Variants in HGF observed in about 807,000 individuals in gnomAD.
HGF encodes the protein fibroblast-derived tumor cytotoxic factor.
A neutral mutation model predicts 111.6 loss-of-function variants in HGF; 39 were observed. That is an observed-to-expected ratio of 0.35 (90% CI 0.27 to 0.46). The LOEUF (loss-of-function observed/expected upper bound fraction) is 0.46. Among genes scored for constraint, HGF ranks in the 20% least tolerant of loss-of-function variants. The pLI is 1.00. For synonymous variants in HGF, 285 were observed against 294.8 expected, an observed-to-expected ratio of 0.97 and a Z score of 0.34; for missense variants, 735 against 910.5, an observed-to-expected ratio of 0.81 and a Z score of 2.48.
chr7:81,729,809 AC>A (rs1787585043), intron 7 of HGF, 30 bp from the exon 8 acceptor site: 1 of 1,215,354 alleles, frequency 8.2e-7, no homozygotes, highest in African/African-American at 1.6e-5. Context: ...ACAAAAAAAA[AC>A]TTATATAAAA....
chr7:81,733,364 G>A (rs1040442799), intron 7 of HGF, among the ~76,000 whole-genome samples: 1 of 151,542 alleles, frequency 6.6e-6, no homozygotes, highest in East Asian at 1.9e-4. Context: ...AAGATGTAAA[G>A]AATCTAAATA....
intron 7 of HGF, among the ~76,000 whole-genome samples, chr7:81,734,639 A>G (rs1428907401): frequency 1.3e-5 from 2 of 152,120 alleles, no homozygotes; most frequent in African/African-American, 4.8e-5. Context: ...TTAGAAAAAA[A>G]AATCTGATTA....
chr7:81,761,795 T>A (rs1270664939), intron 2 of HGF, among the ~76,000 whole-genome samples: 1 of 3,474 alleles, frequency 2.9e-4, no homozygotes, highest in Non-Finnish European at 4.9e-4. Flanking sequence ...GGGTGTGGAG[T>A]GGGGGTGGGG....
In HGF at chr7:81,705,656, A is replaced by G; in HGVS notation, c.1855T>C (p.Tyr619His). Reference sequence around the variant, plus strand: ...TTGAAAACTAGCTTACATCCAGTGTAGCCCCAGCCATAAACACTGCAACTG... The same window carrying G: ...TTGAAAACTAGCTTACATCCAGTGTGGCCCCAGCCATAAACACTGCAACTG... ...KTSCSVYGWGYTGLINYDGLL... is the reference protein window; with the variant it reads ...KTSCSVYGWGHTGLINYDGLL... Residue 619 changes from tyrosine (Y) to histidine (H), a missense_variant, in exon 16 of 18, where the codon TAC becomes CAC. Coordinates refer to ENST00000222390, the MANE Select transcript of HGF (RefSeq NM_000601.6). The G allele has an allele frequency of 6.2e-7, 1 of 1,607,816 alleles. No homozygotes were observed. Among genetic ancestry groups the G allele is most frequent in the African/African-American group, 1.3e-5 (1 of 74,886 alleles).
rs1789557779 is a variant in HGF at position 81,770,026 on chromosome 7, A to T, written c.-55T>A. The stretch of plus-strand genomic sequence containing the variant: ...CTGGAGGAGATGCCTGGGTGAAAGA[A>T]TCCTGTTCGGAGTCAGTGCCTAAAA... On this transcript the variant is annotated 5_prime_UTR_variant, in exon 1 of 18. Coordinates refer to ENST00000222390, the MANE Select transcript of HGF (RefSeq NM_000601.6). 7.4e-7 allele frequency: 1 copy of T among 1,345,816 alleles called. No homozygotes were observed. The highest frequency in any genetic ancestry group is 1.4e-5 in the African/African-American group (1 of 69,168). 83.4% of individuals were successfully genotyped at this position (1,345,816 alleles called of 1,614,324 possible).
At chr7:81,746,320 C>T (rs1164645071) in intron 5 of HGF, among the ~76,000 whole-genome samples, 1 of 152,158 alleles carries the variant, frequency 6.6e-6, no homozygotes, top group African/African-American at 2.4e-5. Flanking sequence ...TTCCAGACTA[C>T]ACCCAATAAG....
At position 81,717,278 on chromosome 7, in the gene HGF, G is replaced by A. The variant is rs750085970; in HGVS notation, c.1359C>T (p.Tyr453=). The A allele has an allele frequency of 1.2e-6, 2 of 1,613,656 alleles. No homozygotes were observed. ...PDDDAHGPWC[Y]TGNPLIPWDY... is the part of the protein sequence containing the mutation. Reference sequence around the variant, plus strand: ...CCCAAGGAATGAGTGGATTTCCCGTGTAGCACCAGGGTCCATGAGCATCAT... The same window carrying A: ...CCCAAGGAATGAGTGGATTTCCCGTATAGCACCAGGGTCCATGAGCATCAT... Residue 453 remains tyrosine (Y), a synonymous_variant, in exon 11 of 18, where the codon TAC becomes TAT. Transcript: ENST00000222390.
chr7:81,756,370 GGA>G (rs755583545), intron 4 of HGF: 6 of 281,384 alleles, frequency 2.1e-5, no homozygotes, highest in Non-Finnish European at 3.9e-5. Context: ...ACTAATAAGG[GGA>G]GAGCTGTTTT....
At chr7:81,722,556 T>C (rs1268332709) in intron 9 of HGF, among the ~76,000 whole-genome samples, 1 of 151,600 alleles carries the variant, frequency 6.6e-6, no homozygotes, top group Non-Finnish European at 1.5e-5. Flanking sequence ...CTCACACCTG[T>C]AATCTCAGCA....
At chr7:81,735,060 A>AT (rs1354488579) in intron 7 of HGF, among the ~76,000 whole-genome samples, 2 of 152,108 alleles carry the variant, frequency 1.3e-5, no homozygotes, top group African/African-American at 4.8e-5. Flanking sequence ...AACAGTGTGT[A>AT]ATAAAGCCAC....
chr7:81,763,275 A>G (rs1484971608), intron 1 of HGF, among the ~76,000 whole-genome samples: 1 of 152,212 alleles, frequency 6.6e-6, no homozygotes, highest in Non-Finnish European at 1.5e-5. Flanking sequence ...TATACGTTAT[A>G]GTATTTAATG....
intron 8 of HGF, among the ~76,000 whole-genome samples, chr7:81,728,579 A>G (rs1459182076): frequency 2.0e-5 from 3 of 152,250 alleles, no homozygotes; most frequent in African/African-American, 7.2e-5. Flanking sequence ...TGTGATGGAA[A>G]TGAGGGAAAT....
chr7:81,768,793 CCAAA>C (rs1423999298), intron 1 of HGF, among the ~76,000 whole-genome samples: 1 of 152,110 alleles, frequency 6.6e-6, no homozygotes, highest in Admixed American at 6.5e-5. Flanking sequence ...GTGACCCTTT[CCAAA>C]CAGTGTCATT....
intron 9 of HGF, among the ~76,000 whole-genome samples, chr7:81,722,013 T>G (rs564988075): frequency 6.6e-6 from 1 of 152,308 alleles, no homozygotes; most frequent in African/African-American, 2.4e-5. Flanking sequence ...AATAAAAATT[T>G]TTCCTTTTCC....
At chr7:81,756,134 C>T (rs1788758834) in intron 4 of HGF, 3 of 687,684 alleles carry the variant, frequency 4.4e-6, no homozygotes, top group African/African-American at 1.8e-5. Flanking sequence ...TTGTTAAAAG[C>T]GCAGGTTATA....
rs544040915 is a variant in HGF, at chr7:81,725,872, C to T, written c.1168+18G>A. 1.2e-6 allele frequency: 2 copies of T among 1,613,892 alleles called. No individual in the cohort carries two copies. Among genetic ancestry groups the T allele is most frequent in the South Asian group, 1.1e-5 (1 of 91,084 alleles). On this transcript the variant is annotated intron_variant, in intron 9 of 17. Transcript: ENST00000222390. ...CCTGAATTTAATCATGCCCACCCTG[C>T]AGAATGTCAGCTATTACCTTGTCCA...
chr7:81,710,063 G>T, intron 13 of HGF, 84 bp downstream of exon 13: 1 of 966,358 alleles, frequency 1.0e-6, no homozygotes, highest in Non-Finnish European at 1.7e-6. Context: ...ACAACCTTCA[G>T]GACCACATGT....
chr7:81,731,703 G>A (rs748202838), intron 7 of HGF, among the ~76,000 whole-genome samples: 1 of 152,116 alleles, frequency 6.6e-6, no homozygotes, highest in African/African-American at 2.4e-5. Context: ...TGAATGTATG[G>A]GGAAAGTCTT....
chr7:81,748,977 A>C (rs186253633), intron 5 of HGF, among the ~76,000 whole-genome samples: 56 of 152,292 alleles, frequency 3.7e-4, no homozygotes, highest in Admixed American at 3.7e-3. Flanking sequence ...TCTATTTTTA[A>C]TTAGTGTTTG....
Sources: gnomAD v4.1 joint callset for allele counts (sites outside exome capture counted in the v4.1 genomes callset) on GRCh38, gnomAD v4.1.1 for gene constraint, MANE v1.5 for transcripts, NCBI Gene and HGNC (gene_info 2026-07-23, HGNC 2026-07-21) for gene names.